EML1: variants seen among roughly 807,000 people sequenced by gnomAD.
The protein encoded by EML1 is echinoderm microtubule-associated protein-like 1.
Under a neutral mutation model 110.4 loss-of-function variants are expected in EML1, and 27 were observed. The ratio of observed to expected loss-of-function variants is 0.24; its 90% CI spans 0.18 to 0.34. EML1 has a LOEUF of 0.34. EML1 is among the 10% of genes least tolerant of loss of function. The pLI is 1.00. For missense variants in EML1, 741 were observed against 1,030.9 expected (o/e 0.72, Z 3.85); for synonymous variants, 344 against 385.8 (o/e 0.89, Z 1.27).
chr14:99,865,584 T>G lies in EML1; in HGVS notation c.321T>G (p.Pro107=). 6.2e-7 allele frequency: 1 copy of G among 1,614,220 alleles called. No homozygotes were observed. The highest frequency in any genetic ancestry group is 1.1e-5 in the South Asian group (1 of 91,082). Residue 107 remains proline (P), a synonymous_variant, in exon 3 of 22, where the codon CCT becomes CCG. Coordinates refer to ENST00000262233, the MANE Select transcript of EML1 (RefSeq NM_004434.3). The stretch of plus-strand genomic sequence containing the variant: ...ATGGCACTGTGTTACCAAAGAAACC[T>G]ACTGGCTCTCTACCATCCCCCTCCG... ...VNNGTVLPKK[P]TGSLPSPSGV...
intron 1 of EML1, chr14:99,838,911 G>GCGCA (rs1555394671): frequency 2.6e-5 from 3 of 114,376 alleles, no homozygotes; most frequent in African/African-American, 1.2e-4. Flanking sequence ...GGGAGTGCGC[G>GCGCA]CGCGCGCGTG....
chr14:99,863,570 C>G (rs188678258), intron 2 of EML1, among the ~76,000 whole-genome samples: 1 of 152,316 alleles, frequency 6.6e-6, no homozygotes, highest in Admixed American at 6.5e-5. Flanking sequence ...TTTAGTTTAC[C>G]TTTACTCAAA....
intron 3 of EML1, among the ~76,000 whole-genome samples, chr14:99,869,852 A>G (rs1318422449): frequency 6.6e-6 from 1 of 152,192 alleles, no homozygotes; most frequent in African/African-American, 2.4e-5. Flanking sequence ...CTCTTGCCAA[A>G]GGACGTGCCT....
intron 1 of EML1, among the ~76,000 whole-genome samples, chr14:99,802,968 T>G (rs570649956): frequency 9.9e-4 from 151 of 152,212 alleles, no homozygotes; most frequent in African/African-American, 3.6e-3. Flanking sequence ...CATCCCTGAG[T>G]GCCCCCAGGT....
intron 4 of EML1, among the ~76,000 whole-genome samples, chr14:99,886,339 G>A (rs757298463): frequency 1.1e-4 from 16 of 152,138 alleles, no homozygotes; most frequent in Non-Finnish European, 1.9e-4. Context: ...AACATTAGCC[G>A]AGTTTGGTGG....
chr14:99,803,807 C>T (rs1019303071), intron 1 of EML1, among the ~76,000 whole-genome samples: 1 of 152,174 alleles, frequency 6.6e-6, no homozygotes, highest in African/African-American at 2.4e-5. Flanking sequence ...AAATATGTTC[C>T]AGTTGAGAAA....
chr14:99,778,734 G>T (rs2057509081), intron 1 of EML1, among the ~76,000 whole-genome samples: 1 of 152,022 alleles, frequency 6.6e-6, no homozygotes, highest in African/African-American at 2.4e-5. Flanking sequence ...ATGATTTGAT[G>T]GTGTGTCTGG....
chr14:99,851,225 G>A (rs763811186), intron 2 of EML1, among the ~76,000 whole-genome samples, 190 bp downstream of exon 2: 25 of 152,268 alleles, frequency 1.6e-4, no homozygotes, highest in Admixed American at 5.2e-4. Flanking sequence ...TTGGTGAATT[G>A]TACAGCCCAG....
chr14:99,797,548 A>G (rs886737437), intron 1 of EML1, among the ~76,000 whole-genome samples: 3 of 152,222 alleles, frequency 2.0e-5, no homozygotes, highest in African/African-American at 7.2e-5. Context: ...CCTAAATATT[A>G]AGCTTGTTTT....
intron 1 of EML1, among the ~76,000 whole-genome samples, chr14:99,741,938 T>C (rs2057047646): frequency 6.6e-6 from 1 of 152,178 alleles, no homozygotes. Context: ...CCCCCTGCCC[T>C]GCTCGTAGGA....
intron 3 of EML1, 135 bp downstream of exon 3, chr14:99,865,781 A>G: frequency 2.6e-6 from 3 of 1,143,582 alleles, no homozygotes; most frequent in Non-Finnish European, 3.6e-6. Context: ...AACATTTTAT[A>G]TGGTGCCATA....
intron 7 of EML1, among the ~76,000 whole-genome samples, chr14:99,897,653 C>T (rs1315884412): frequency 1.3e-5 from 2 of 152,114 alleles, no homozygotes; most frequent in African/African-American, 4.8e-5. Context: ...ACAAACAGCG[C>T]CACCTCTTTG....
intron 14 of EML1, 47 bp from the exon 15 acceptor site, chr14:99,914,519 G>T (rs369500228): frequency 2.6e-6 from 4 of 1,562,940 alleles, no homozygotes; most frequent in Non-Finnish European, 3.5e-6. Context: ...TCCTGAGTGC[G>T]AACTGTAGTA....
At chr14:99,814,898 C>A (rs1171797925) in intron 1 of EML1, among the ~76,000 whole-genome samples, 1 of 152,050 alleles carries the variant, frequency 6.6e-6, no homozygotes, top group African/African-American at 2.4e-5. Context: ...TTGCAGTAAT[C>A]CTTGGAGGGT....
At chr14:99,843,254 A>AG (rs1337552500) in intron 1 of EML1, among the ~76,000 whole-genome samples, 1 of 152,210 alleles carries the variant, frequency 6.6e-6, no homozygotes, top group Non-Finnish European at 1.5e-5. Flanking sequence ...CTATTGCTAA[A>AG]GAAAAAAAAT....
chr14:99,770,217 T>C (rs1417824827), upstream of EML1, among the ~76,000 whole-genome samples: 1 of 152,132 alleles, frequency 6.6e-6, no homozygotes, highest in Admixed American at 6.6e-5. Context: ...TTGCTCACAG[T>C]TCTGGAGGCT....
At chr14:99,865,722 A>T (rs112436887) in intron 3 of EML1, 76 bp downstream of exon 3, 8 of 1,510,292 alleles carry the variant, frequency 5.3e-6, no homozygotes, top group Non-Finnish European at 7.1e-6. Flanking sequence ...ATTACTTTTT[A>T]AAATGACATT....
intron 15 of EML1, chr14:99,915,482 G>T (rs1424102650): frequency 6.6e-6 from 1 of 150,490 alleles, no homozygotes; most frequent in African/African-American, 2.5e-5. Flanking sequence ...TGACCTGTCA[G>T]AGTGTTGAAA....
chr14:99,791,325 A>G (rs930239948), upstream of EML1, among the ~76,000 whole-genome samples: 1 of 152,170 alleles, frequency 6.6e-6, no homozygotes, highest in African/African-American at 2.4e-5. Context: ...AGAGAACTCT[A>G]CGCAAATGCC....
Sources: gnomAD v4.1 joint callset for allele counts (sites outside exome capture counted in the v4.1 genomes callset) on GRCh38, gnomAD v4.1.1 for gene constraint, MANE v1.5 for transcripts, NCBI Gene and HGNC (gene_info 2026-07-23, HGNC 2026-07-21) for gene names.